The following TTC3 variants were observed in gnomAD, a reference collection of about 807,000 sequenced individuals.
TTC3 encodes E3 ubiquitin-protein ligase TTC3.
Under a neutral mutation model 249.6 loss-of-function variants are expected in TTC3, and 180 were observed. The ratio of observed to expected loss-of-function variants is 0.72; its 90% confidence interval spans 0.64 to 0.82. The LOEUF (loss-of-function observed/expected upper bound fraction) is 0.82, where lower values mean the gene tolerates loss of function less well. Among genes scored for constraint, TTC3 ranks in the 40% least tolerant of loss-of-function variants. The pLI is 0.00. For synonymous variants in TTC3, 717 were observed against 805.0 expected, an observed-to-expected ratio of 0.89 and a Z score of 1.85; for missense variants, 2,061 against 2,398.4, an observed-to-expected ratio of 0.86 and a Z score of 2.94.
At chr21:37,170,113 A>T (rs574506174) in intron 34 of TTC3, among the ~76,000 whole-genome samples, 2 of 152,366 alleles carry the variant, frequency 1.3e-5, no homozygotes, top group South Asian at 4.1e-4. Context: ...TTATATTCAT[A>T]TACACATGCA....
intron 16 of TTC3, among the ~76,000 whole-genome samples, chr21:37,132,019 G>C (rs773938369): frequency 6.6e-6 from 1 of 152,130 alleles, no homozygotes; most frequent in Non-Finnish European, 1.5e-5. Flanking sequence ...GTTGTTACTA[G>C]TGACTACAGA....
At chr21:37,079,517 GTTTTTTTTTT>G (rs60361476) in intron 1 of TTC3, among the ~76,000 whole-genome samples, 5 of 91,176 alleles carry the variant, frequency 5.5e-5, no homozygotes, top group African/African-American at 9.6e-5. Context: ...TTATGGTATG[GTTTTTTTTTT>G]TTTTTTTTTT....
intron 11 of TTC3, among the ~76,000 whole-genome samples, chr21:37,112,250 C>T (rs1267937442): frequency 6.6e-6 from 1 of 152,124 alleles, no homozygotes; most frequent in East Asian, 1.9e-4. Context: ...ATCAGTGAAT[C>T]CAGGAGCTGG....
intron 13 of TTC3, among the ~76,000 whole-genome samples, chr21:37,123,817 C>T (rs891055845): frequency 1.0e-4 from 15 of 150,690 alleles, no homozygotes; most frequent in African/African-American, 2.4e-4. Flanking sequence ...GTTATGATGT[C>T]GGCTCACTGC....
chr21:37,112,775 T>G (rs2075787119), intron 11 of TTC3, among the ~76,000 whole-genome samples: 1 of 152,142 alleles, frequency 6.6e-6, no homozygotes, highest in Non-Finnish European at 1.5e-5. Context: ...TGATGAACAT[T>G]GATGCAAAAA....
chr21:37,156,908 T>TA lies in TTC3; in HGVS notation c.2992+3dup. The TA allele has an allele frequency of 6.2e-7, 1 of 1,612,890 alleles. No individual in the cohort carries two copies. Among genetic ancestry groups the TA allele is most frequent in the East Asian group, 2.2e-5 (1 of 44,848 alleles). On this transcript the variant is annotated splice_region_variant and intron_variant, in intron 28 of 45. Coordinates refer to ENST00000355666, the Ensembl canonical transcript of TTC3. ...TAGATGAATTCTTTGATATAATGGGTATGTGGACTGAGTTTAGACTTATAT... is the reference window on the plus strand; with the variant it reads ...TAGATGAATTCTTTGATATAATGGGTAATGTGGACTGAGTTTAGACTTATAT...
intron 1 of TTC3, chr21:37,082,841 T>C: frequency 6.2e-6 from 6 of 969,252 alleles, no homozygotes; most frequent in Non-Finnish European, 7.4e-6. Flanking sequence ...TAGTATATTT[T>C]TGTTTGATTG....
At chr21:37,126,406 T>A (rs2077047330) in intron 15 of TTC3, among the ~76,000 whole-genome samples, 1 of 151,952 alleles carries the variant, frequency 6.6e-6, no homozygotes, top group African/African-American at 2.4e-5. Flanking sequence ...TGCTTCTTAA[T>A]TTTTTTTAGG....
At chr21:37,154,192 A>G (rs1012853118) in intron 27 of TTC3, among the ~76,000 whole-genome samples, 3 of 152,260 alleles carry the variant, frequency 2.0e-5, no homozygotes, top group East Asian at 3.8e-4. Flanking sequence ...CTATTAGATA[A>G]GAGGCTAAAG....
intron 35 of TTC3, 69 bp downstream of exon 35, chr21:37,172,813 T>G: frequency 6.4e-7 from 1 of 1,558,618 alleles, no homozygotes; most frequent in Non-Finnish European, 8.7e-7. Context: ...GTAGCTGTGC[T>G]TGTGCGGCCT....
chr21:37,080,819 T>C (rs1356486353), intron 1 of TTC3, among the ~76,000 whole-genome samples: 1 of 152,144 alleles, frequency 6.6e-6, no homozygotes, highest in Non-Finnish European at 1.5e-5. Context: ...TTTTTTTTAG[T>C]GTCCTTACAT....
chr21:37,122,265 GAATAA>G (rs1413662245), intron 12 of TTC3, among the ~76,000 whole-genome samples: 1 of 151,190 alleles, frequency 6.6e-6, no homozygotes, highest in African/African-American at 2.4e-5. Context: ...CAGAAATTTT[GAATAA>G]AATAAAAGCT....
intron 39 of TTC3, 76 bp from the exon 40 acceptor site, chr21:37,191,258 G>A: frequency 2.0e-6 from 2 of 978,990 alleles, no homozygotes; most frequent in Non-Finnish European, 3.0e-6. Context: ...TTTTGCTCAT[G>A]TTTAGATGTT....
At position 37,090,367 on chromosome 21, in the gene TTC3, G is replaced by A. The variant is rs2073099107; in HGVS notation, c.480+81G>A. The A allele has an allele frequency of 3.1e-6, 4 of 1,287,820 alleles. No homozygotes were observed. The South Asian group carries it at 5.2e-5, about 17-fold the overall frequency. 79.8% of individuals were successfully genotyped at this position (1,287,820 alleles called of 1,614,324 possible). ...CACTGCTCATTTCCCCTTGCATTGG[G>A]TCCATACACTCAATGTTCTATATGT... On this transcript the variant is annotated intron_variant, in intron 6 of 45. Coordinates refer to ENST00000355666, the Ensembl canonical transcript of TTC3.
intron 15 of TTC3, among the ~76,000 whole-genome samples, chr21:37,126,608 A>G (rs1601626359): frequency 1.3e-5 from 2 of 152,296 alleles, no homozygotes; most frequent in Admixed American, 6.5e-5. Flanking sequence ...TTTTCACCCT[A>G]TTGGGGGTGA....
chr21:37,191,512 T>C, intron 40 of TTC3, 88 bp downstream of exon 40: 1 of 728,866 alleles, frequency 1.4e-6, no homozygotes, highest in Non-Finnish European at 2.1e-6. Context: ...ATCTATTTCT[T>C]TTTTATCTAT....
chr21:37,126,482 T>C (rs1419100192), intron 15 of TTC3, among the ~76,000 whole-genome samples: 3 of 152,202 alleles, frequency 2.0e-5, no homozygotes, highest in African/African-American at 7.2e-5. Flanking sequence ...GGAGCCTGTT[T>C]AGACCTTTTT....
chr21:37,141,509 C>A (rs912311939), intron 20 of TTC3, among the ~76,000 whole-genome samples: 1 of 151,882 alleles, frequency 6.6e-6, no homozygotes, highest in Non-Finnish European at 1.5e-5. Flanking sequence ...GTGGCGCACA[C>A]CTGGAATCCC....
intron 21 of TTC3, among the ~76,000 whole-genome samples, chr21:37,145,894 C>T (rs1013634492): frequency 7.2e-5 from 11 of 152,158 alleles, no homozygotes; most frequent in South Asian, 2.1e-4. Context: ...AGAGATTCGT[C>T]GCCATGACTC....
Sources: gnomAD v4.1 joint callset for allele counts (sites outside exome capture counted in the v4.1 genomes callset) on GRCh38, gnomAD v4.1.1 for gene constraint, MANE v1.5 for transcripts, NCBI Gene and HGNC (gene_info 2026-07-23, HGNC 2026-07-21) for gene names.